The following TNIK variants were observed in gnomAD, a reference collection of about 807,000 sequenced individuals.
TNIK encodes the protein TRAF2 and NCK-interacting protein kinase.
Under a neutral mutation model 191.3 loss-of-function variants are expected in TNIK, and 49 were observed. That is an observed-to-expected ratio of 0.26 (90% CI 0.20 to 0.32). The LOEUF is 0.32. TNIK is among the 10% of genes least tolerant of loss of function. TNIK has a pLI of 1.00. For missense variants in TNIK, 1,155 were observed against 1,702.3 expected, an observed-to-expected ratio of 0.68 and a Z score of 5.66; for synonymous variants, 594 against 600.9, an observed-to-expected ratio of 0.99 and a Z score of 0.17.
At chr3:171,181,127 C>G (rs1198209357) in intron 7 of TNIK, among the ~76,000 whole-genome samples, 1 of 152,204 alleles carries the variant, frequency 6.6e-6, no homozygotes, top group African/African-American at 2.4e-5. Flanking sequence ...TGGGCATGAG[C>G]CACTACACCC....
At chr3:171,286,355 C>T (rs1751012893) in intron 2 of TNIK, among the ~76,000 whole-genome samples, 1 of 152,200 alleles carries the variant, frequency 6.6e-6, no homozygotes, top group Non-Finnish European at 1.5e-5. Context: ...ATTCAGGTAT[C>T]TCTGGAAGAA....
chr3:171,188,904 T>G, intron 6 of TNIK, 72 bp from the exon 7 acceptor site: 1 of 1,533,216 alleles, frequency 6.5e-7, no homozygotes, highest in Non-Finnish European at 8.9e-7. Flanking sequence ...GAATGTGAAT[T>G]ATTTTATTGT....
chr3:171,406,990 G>C (rs1028770042), intron 1 of TNIK, among the ~76,000 whole-genome samples: 6 of 152,238 alleles, frequency 3.9e-5, no homozygotes, highest in Middle Eastern at 3.2e-3. Flanking sequence ...GCCTGCCTGG[G>C]GAAGTGGGGG....
chr3:171,225,913 T>C (rs1299481878), intron 3 of TNIK, among the ~76,000 whole-genome samples: 2 of 152,176 alleles, frequency 1.3e-5, no homozygotes, highest in Non-Finnish European at 2.9e-5. Flanking sequence ...ATTGTTAAAC[T>C]GCCAAGCTCA....
At chr3:171,296,271 G>A (rs1752279082) in intron 2 of TNIK, among the ~76,000 whole-genome samples, 1 of 152,048 alleles carries the variant, frequency 6.6e-6, no homozygotes, top group Non-Finnish European at 1.5e-5. Context: ...TTGGAGAGAG[G>A]CAGCCAAGGC....
chr3:171,282,341 G>GTTTTTTTTTTTTTTTTT (rs869305605), intron 2 of TNIK, among the ~76,000 whole-genome samples: 50 of 79,958 alleles, frequency 6.3e-4, no homozygotes, highest in African/African-American at 2.2e-3. Context: ...ATGGTTTTTT[G>GTTTTTTTTTTTTTTTTT]TTTTTTTTTT....
chr3:171,415,847 G>T (rs1038811072), intron 1 of TNIK, among the ~76,000 whole-genome samples: 1 of 151,450 alleles, frequency 6.6e-6, no homozygotes, highest in African/African-American at 2.4e-5. Flanking sequence ...CAGGCGTGGT[G>T]GCTCATGCCT....
intron 2 of TNIK, chr3:171,346,966 G>T: frequency 3.5e-6 from 2 of 566,832 alleles, no homozygotes; most frequent in African/African-American, 1.9e-5. Flanking sequence ...TGACTTTACT[G>T]GCTGCACAGT....
chr3:171,203,201 C>T (rs1739627324), intron 4 of TNIK, among the ~76,000 whole-genome samples: 1 of 152,000 alleles, frequency 6.6e-6, no homozygotes, highest in Admixed American at 6.6e-5. Flanking sequence ...TTATTTTTAC[C>T]AAGCCAAGAC....
intron 1 of TNIK, among the ~76,000 whole-genome samples, chr3:171,459,697 C>A (rs1195560395): frequency 6.6e-6 from 1 of 151,852 alleles, no homozygotes; most frequent in Non-Finnish European, 1.5e-5. Context: ...CACACACACA[C>A]ACACACGCAC....
intron 17 of TNIK, 124 bp downstream of exon 17, chr3:171,125,788 A>T: frequency 1.4e-6 from 2 of 1,423,318 alleles, no homozygotes; most frequent in South Asian, 1.3e-5. Context: ...GACCAAAACA[A>T]ACATGAGAAG....
intron 1 of TNIK, among the ~76,000 whole-genome samples, chr3:171,393,976 T>A (rs1022045688): frequency 6.6e-6 from 1 of 152,264 alleles, no homozygotes; most frequent in Non-Finnish European, 1.5e-5. Context: ...GGTTTTCTTC[T>A]TTTAGTATAT....
intron 27 of TNIK, among the ~76,000 whole-genome samples, chr3:171,081,440 G>A (rs1017015584): frequency 1.3e-5 from 2 of 150,346 alleles, no homozygotes; most frequent in Non-Finnish European, 3.0e-5. Context: ...AACTATGAAC[G>A]CTCCTGATGC....
chr3:171,399,286 G>C (rs1356951384), intron 1 of TNIK, among the ~76,000 whole-genome samples: 1 of 152,134 alleles, frequency 6.6e-6, no homozygotes, highest in Non-Finnish European at 1.5e-5. Flanking sequence ...TCAACATGCA[G>C]TCTAAAAGAG....
chr3:171,120,109 T>A (rs1452885157), intron 18 of TNIK, among the ~76,000 whole-genome samples: 1 of 152,168 alleles, frequency 6.6e-6, no homozygotes. Context: ...TGCATACTGA[T>A]CATTTTAATT....
intron 29 of TNIK, 108 bp downstream of exon 29, chr3:171,071,113 GTT>G (rs1719121846): frequency 1.0e-5 from 7 of 693,678 alleles, no homozygotes; most frequent in Non-Finnish European, 1.6e-5. Context: ...TTTAAAACAG[GTT>G]TATTATCTAT....
intron 2 of TNIK, among the ~76,000 whole-genome samples, chr3:171,240,526 T>A (rs982888872): frequency 6.8e-6 from 1 of 146,962 alleles, no homozygotes; most frequent in Non-Finnish European, 1.5e-5. Context: ...GTGATTGAGG[T>A]TCCATTTCTG....
chr3:171,075,223 C>T (rs1182113574), intron 28 of TNIK, among the ~76,000 whole-genome samples: 1 of 152,074 alleles, frequency 6.6e-6, no homozygotes, highest in Non-Finnish European at 1.5e-5. Context: ...TAACAAATGC[C>T]AAGTAATAAA....
chr3:171,312,780 T>C (rs1015407602), intron 2 of TNIK, among the ~76,000 whole-genome samples: 2 of 152,226 alleles, frequency 1.3e-5, no homozygotes, highest in East Asian at 3.8e-4. Flanking sequence ...CTTACCTGTG[T>C]GTCTCTGACA....
Sources: gnomAD v4.1 joint callset for allele counts (sites outside exome capture counted in the v4.1 genomes callset) on GRCh38, gnomAD v4.1.1 for gene constraint, MANE v1.5 for transcripts, NCBI Gene and HGNC (gene_info 2026-07-23, HGNC 2026-07-21) for gene names.